Variants in PLEKHA7 observed in about 807,000 individuals in gnomAD.
PLEKHA7 encodes pleckstrin homology domain-containing family A member 7.
PLEKHA7 carries 104 observed loss-of-function variants against 170.0 expected under a neutral mutation model. That is an observed-to-expected ratio of 0.61 (90% CI 0.52 to 0.72). The LOEUF (loss-of-function observed/expected upper bound fraction) is 0.72. PLEKHA7 is among the 30% of genes least tolerant of loss of function. PLEKHA7 has a pLI of 0.00. For missense variants in PLEKHA7, 1,615 were observed against 1,671.7 expected (o/e 0.97, Z 0.59); for synonymous variants, 648 against 660.8 (o/e 0.98, Z 0.30).
chr11:16,988,732 C>T (rs1278504144), intron 3 of PLEKHA7, among the ~76,000 whole-genome samples: 2 of 152,246 alleles, frequency 1.3e-5, no homozygotes, highest in Non-Finnish European at 1.5e-5. Flanking sequence ...GGGCATGAGC[C>T]ACCGCATCCA....
intron 3 of PLEKHA7, among the ~76,000 whole-genome samples, chr11:16,932,314 G>A (rs1266793022): frequency 4.6e-5 from 5 of 109,278 alleles, no homozygotes; most frequent in African/African-American, 1.8e-4. Flanking sequence ...GTCTTGCTTT[G>A]TCACCTAGGC....
chr11:16,781,629 G>A (rs1162448923), intron 26 of PLEKHA7, among the ~76,000 whole-genome samples: 1 of 152,196 alleles, frequency 6.6e-6, no homozygotes, highest in Non-Finnish European at 1.5e-5. Flanking sequence ...GGACAGCCAA[G>A]ATTTCAAGGA....
intron 3 of PLEKHA7, among the ~76,000 whole-genome samples, chr11:17,005,245 T>C (rs909842016): frequency 6.6e-6 from 1 of 152,070 alleles, no homozygotes; most frequent in East Asian, 1.9e-4. Context: ...CAAAAGAGAA[T>C]GGAGGCTGGG....
At chr11:16,981,249 A>T (rs1403304343) in intron 3 of PLEKHA7, among the ~76,000 whole-genome samples, 1 of 152,218 alleles carries the variant, frequency 6.6e-6, no homozygotes, top group Non-Finnish European at 1.5e-5. Flanking sequence ...TGCAGGTATG[A>T]TTATCCTGAG....
chr11:16,978,225 C>T (rs921147109), intron 3 of PLEKHA7, among the ~76,000 whole-genome samples: 10 of 152,340 alleles, frequency 6.6e-5, no homozygotes, highest in East Asian at 5.8e-4. Flanking sequence ...AATCAGCCTA[C>T]AGCTTAATAT....
intron 10 of PLEKHA7, among the ~76,000 whole-genome samples, chr11:16,818,338 C>G (rs1001076176): frequency 1.3e-5 from 2 of 152,260 alleles, no homozygotes; most frequent in South Asian, 2.1e-4. Flanking sequence ...ACCCCCACAT[C>G]TGATACACAG....
At chr11:16,815,390 C>T (rs999323890) in intron 12 of PLEKHA7, 1 of 152,596 alleles carries the variant, frequency 6.6e-6, no homozygotes, top group African/African-American at 2.4e-5. Context: ...CAGGACAGCA[C>T]TGATGTGACA....
At chr11:16,866,142 T>C (rs1246629001) in intron 4 of PLEKHA7, among the ~76,000 whole-genome samples, 1 of 151,314 alleles carries the variant, frequency 6.6e-6, no homozygotes, top group Non-Finnish European at 1.5e-5. Context: ...AAAATACTTC[T>C]GATTCTCTTC....
At chr11:16,973,584 G>A (rs1862857873) in intron 3 of PLEKHA7, among the ~76,000 whole-genome samples, 1 of 152,134 alleles carries the variant, frequency 6.6e-6, no homozygotes, top group East Asian at 1.9e-4. Context: ...ATCACTTGGG[G>A]GCTTAAAGGA....
intron 8 of PLEKHA7, among the ~76,000 whole-genome samples, chr11:16,850,703 T>C (rs547272027): frequency 2.0e-3 from 298 of 152,342 alleles, no homozygotes; most frequent in Non-Finnish European, 1.3e-3. Context: ...AAATCTTCTA[T>C]GATCCAGAAG....
At chr11:16,937,586 C>T (rs1177083077) in intron 3 of PLEKHA7, among the ~76,000 whole-genome samples, 2 of 151,906 alleles carry the variant, frequency 1.3e-5, no homozygotes, top group Non-Finnish European at 2.9e-5. Flanking sequence ...AAGCACTTAG[C>T]TATCCCTTAA....
chr11:16,844,576 G>C (rs1372366898), intron 8 of PLEKHA7, among the ~76,000 whole-genome samples: 1 of 152,196 alleles, frequency 6.6e-6, no homozygotes, highest in Non-Finnish European at 1.5e-5. Flanking sequence ...TCTGCTCTTT[G>C]CTTTCCAGTT....
intron 26 of PLEKHA7, among the ~76,000 whole-genome samples, 154 bp from the exon 27 acceptor site, chr11:16,779,174 G>T (rs1006630521): frequency 6.6e-6 from 1 of 152,166 alleles, no homozygotes; most frequent in Admixed American, 6.5e-5. Flanking sequence ...TCAGCTTCCA[G>T]GACACATGGG....
chr11:16,986,223 G>A (rs1460766984), intron 3 of PLEKHA7, among the ~76,000 whole-genome samples: 2 of 152,144 alleles, frequency 1.3e-5, no homozygotes, highest in Non-Finnish European at 2.9e-5. Flanking sequence ...TGAGGTATTT[G>A]GGCCCCTGTA....
chr11:16,888,570 T>C (rs1856361583), intron 3 of PLEKHA7, among the ~76,000 whole-genome samples: 1 of 152,298 alleles, frequency 6.6e-6, no homozygotes, highest in Admixed American at 6.5e-5. Context: ...CTGAAACATG[T>C]GCTGTGTCCA....
intron 4 of PLEKHA7, among the ~76,000 whole-genome samples, chr11:16,859,052 G>A (rs1270384460): frequency 6.6e-6 from 1 of 152,176 alleles, no homozygotes; most frequent in Non-Finnish European, 1.5e-5. Context: ...AGCCTATTAG[G>A]AAATGTGACT....
At chr11:16,787,009 C>G (rs1168749813) in intron 23 of PLEKHA7, 1 of 983,898 alleles carries the variant, frequency 1.0e-6, no homozygotes, top group African/African-American at 1.7e-5. Flanking sequence ...GAAAAAAAAA[C>G]TAAATCATAT....
chr11:16,942,307 A>T lies in PLEKHA7; in HGVS notation c.222-71125T>A, dbSNP rs1860749962. ...CAGGAGACGCCCTGAAGGCCATGTC[A>T]ACAGCTAATGGCTGGGCTTCTACTA... On this transcript the variant is annotated intron_variant, in intron 3 of 26. Transcript: ENST00000531066. 2.6e-5 allele frequency among the ~76,000 whole-genome samples: 4 copies of T among 152,350 alleles called. No homozygotes were observed. The South Asian group carries it at 8.3e-4, about 32-fold the overall frequency.
chr11:16,882,952 A>G (rs1046649191), intron 3 of PLEKHA7, among the ~76,000 whole-genome samples: 1 of 152,144 alleles, frequency 6.6e-6, no homozygotes, highest in Admixed American at 6.5e-5. Flanking sequence ...ATCAACCTAA[A>G]AGGCATAACA....
Sources: gnomAD v4.1 joint callset for allele counts (sites outside exome capture counted in the v4.1 genomes callset) on GRCh38, gnomAD v4.1.1 for gene constraint, MANE v1.5 for transcripts, NCBI Gene and HGNC (gene_info 2026-07-23, HGNC 2026-07-21) for gene names.